Variants in LHX6 observed in about 807,000 individuals in gnomAD.
LHX6 encodes the protein LIM/homeobox protein Lhx6.
In LHX6, 15 loss-of-function variants were observed where a neutral mutation model predicts 47.1. That is an observed-to-expected ratio of 0.32 (90% CI 0.21 to 0.49). The LOEUF (loss-of-function observed/expected upper bound fraction) is 0.49, where lower values mean the gene tolerates loss of function less well. Ranked by LOEUF, LHX6 falls within the 20% of genes least tolerant of loss-of-function variation. The pLI, the probability that LHX6 is intolerant of heterozygous loss-of-function variation, is 0.99. For synonymous variants in LHX6, 242 were observed against 233.5 expected (o/e 1.04, Z -0.33); for missense variants, 404 against 539.6 (o/e 0.75, Z 2.49).
chr9:122,227,112 C>T (rs1309010052), intron 2 of LHX6, 82 bp from the exon 3 acceptor site: 2 of 1,306,392 alleles, frequency 1.5e-6, no homozygotes, highest in Non-Finnish European at 2.0e-6. Context: ...CTGGGGCCCC[C>T]GAGCACCAAT....
Position 122,227,289 on chromosome 9 carries a change from G to A in LHX6, c.156+120C>T. On this transcript the variant is annotated intron_variant, in intron 2 of 9. Coordinates refer to ENST00000394319, the MANE Select transcript of LHX6 (RefSeq NM_014368.5). ...GGAAAACCGAGGCTCAGAGAGGGGCGGCGCCCGCCGGGAGTCCCCCAGAGC... is the reference window on the plus strand; with the variant it reads ...GGAAAACCGAGGCTCAGAGAGGGGCAGCGCCCGCCGGGAGTCCCCCAGAGC... The A allele has an allele frequency of 4.7e-6, 5 of 1,073,862 alleles. No individual in the cohort carries two copies. In the Admixed American group the frequency reaches 1.4e-4, roughly 29 times the overall value. The allele number at this position is 1,073,862 out of a possible 1,614,324, so 66.5% of individuals were successfully genotyped here.
rs543988171 is a variant in LHX6 at position 122,203,660 on chromosome 9, G to C, written c.*1100C>G. 4 of 152,802 alleles carry C rather than the reference G, an allele frequency of 2.6e-5. No homozygotes were observed. In the South Asian group the frequency reaches 8.3e-4, roughly 32 times the overall value. 9.5% of individuals were successfully genotyped at this position (152,802 alleles called of 1,614,324 possible). A position where few individuals can be genotyped will look rare whatever the true frequency, so the allele number is the denominator to read the frequency against. ...GGGTGGGTGGGGCTGGCTCCAGGAA[G>C]TATTGATTGGGAAGCTCAGAGGCAC... On this transcript the variant is annotated 3_prime_UTR_variant, in exon 10 of 10. Transcript: ENST00000394319.
Position 122,217,013 on chromosome 9 carries a change from G to C in LHX6, c.682+55C>G. The C allele has an allele frequency of 6.8e-7, 1 of 1,472,226 alleles. No homozygotes were observed. The highest frequency in any genetic ancestry group is 9.4e-7 in the Non-Finnish European group (1 of 1,058,726). 91.2% of individuals were successfully genotyped at this position (1,472,226 alleles called of 1,614,324 possible). On this transcript the variant is annotated intron_variant, in intron 5 of 9. Transcript: ENST00000394319. This position sits in a 1 kb window ranked among gnomAD's most constrained non-coding sequence, Gnocchi z 4.9. ...GGGTGGTTCCTGGGGTGCTGGGGTG[G>C]GGTGGGGTGGGAAAGGGCTGGGGGC...
Position 122,227,489 on chromosome 9 carries a change from G to GT in LHX6, c.85-10_85-9insA. 6.6e-7 allele frequency: 1 copy of GT among 1,512,034 alleles called. No homozygotes were observed. 93.7% of individuals were successfully genotyped at this position (1,512,034 alleles called of 1,614,324 possible). ...CCTGGCTGGGCCATCACCTGGGGGA[G>GT]GGGGGGAGGGAACGCAGGCGGCGGC... On this transcript the variant is annotated splice_polypyrimidine_tract_variant and intron_variant, in intron 1 of 9. Coordinates refer to ENST00000394319, the MANE Select transcript of LHX6 (RefSeq NM_014368.5).
intron 8 of LHX6, among the ~76,000 whole-genome samples, chr9:122,212,510 G>A (rs1298681291): frequency 6.6e-6 from 1 of 152,098 alleles, no homozygotes; most frequent in Non-Finnish European, 1.5e-5. Flanking sequence ...TGTGTGCATC[G>A]CAGTCATTTA....
chr9:122,208,792 G>A (rs1396780604), intron 9 of LHX6, among the ~76,000 whole-genome samples: 5 of 144,514 alleles, frequency 3.5e-5, no homozygotes, highest in East Asian at 4.1e-4. Flanking sequence ...CCGAGATTGC[G>A]CCATTGCACT....
At chr9:122,220,709 G>T (rs1180529305) in intron 4 of LHX6, among the ~76,000 whole-genome samples, 1 of 152,190 alleles carries the variant, frequency 6.6e-6, no homozygotes, top group African/African-American at 2.4e-5. Context: ...GATGCGCGGC[G>T]CTTTGGGGAG....
In LHX6 at chr9:122,204,129, C is replaced by G. The variant is rs1830081725; in HGVS notation, c.*631G>C. 6.6e-6 allele frequency: 1 copy of G among 152,520 alleles called. No homozygotes were observed. Among genetic ancestry groups the G allele is most frequent in the African/African-American group, 2.4e-5 (1 of 41,442 alleles). 9.4% of individuals were successfully genotyped at this position (152,520 alleles called of 1,614,324 possible). On this transcript the variant is annotated 3_prime_UTR_variant, in exon 10 of 10. Coordinates refer to ENST00000394319, the MANE Select transcript of LHX6 (RefSeq NM_014368.5). ...CCCCATTCCCTGTCTATCCCCGCTG[C>G]CTCCTAGTCTGGGCAGGCCTCCATC...
chr9:122,213,578 A>G lies in LHX6; in HGVS notation c.1054+28T>C, dbSNP rs1270990483. ...CTCCGCGCCCCCTCCCCGCAGGCCC[A>G]GCGGCTCCCGGCGCTGCGGTTACTT... On this transcript the variant is annotated intron_variant, in intron 8 of 9. Transcript: ENST00000394319. The surrounding 1 kb of genome is among the most constrained non-coding windows in gnomAD (Gnocchi z 5.5). 4 of 1,527,292 alleles carry G rather than the reference A, an allele frequency of 2.6e-6. No individual in the cohort carries two copies. The highest frequency in any genetic ancestry group is 1.4e-5 in the African/African-American group (1 of 72,642). 94.6% of individuals were successfully genotyped at this position (1,527,292 alleles called of 1,614,324 possible). A position where few individuals can be genotyped will look rare whatever the true frequency, so the allele number is the denominator to read the frequency against.
intron 9 of LHX6, among the ~76,000 whole-genome samples, chr9:122,208,265 G>A (rs1373446212): frequency 2.0e-5 from 3 of 152,154 alleles, no homozygotes; most frequent in Non-Finnish European, 2.9e-5. Context: ...CTTCCCTGAT[G>A]CCTCAGCTTT....
At chr9:122,207,970 A>G (rs1830248291) in intron 9 of LHX6, among the ~76,000 whole-genome samples, 1 of 151,984 alleles carries the variant, frequency 6.6e-6, no homozygotes, top group South Asian at 2.1e-4. Flanking sequence ...TCCTGACTCC[A>G]GCCCTAATGC....
Position 122,213,888 on chromosome 9 carries a change from G to T in LHX6, c.879+86C>A, listed in dbSNP as rs781637715. ...TCGCCTCCTGGAGAAGGATGGCCAC[G>T]TGCACGCACCACCCTCCGCGCCGAG... On this transcript the variant is annotated intron_variant, in intron 7 of 9. Coordinates refer to ENST00000394319, the MANE Select transcript of LHX6 (RefSeq NM_014368.5). The surrounding 1 kb of genome is among the most constrained non-coding windows in gnomAD (Gnocchi z 5.5). The T allele has an allele frequency of 6.6e-6, 10 of 1,516,286 alleles. No individual in the cohort carries two copies. Among genetic ancestry groups the T allele is most frequent in the Admixed American group, 1.9e-5 (1 of 53,450 alleles). 93.9% of individuals were successfully genotyped at this position (1,516,286 alleles called of 1,614,324 possible).
rs144882007 is a variant in LHX6, at chr9:122,214,641, T to C, written c.683-258A>G. ...AGAGGTGGCGTTACCTCATTATACA[T>C]GGGAGGAAACTGAGGCTCAGAGAGA... On this transcript the variant is annotated intron_variant, in intron 5 of 9. Transcript: ENST00000394319. The surrounding 1 kb of genome is among the most constrained non-coding windows in gnomAD (Gnocchi z 4.6). 2.0e-5 allele frequency among the ~76,000 whole-genome samples: 3 copies of C among 152,192 alleles called. No homozygotes were observed. Among genetic ancestry groups the C allele is most frequent in the African/African-American group, 7.2e-5 (3 of 41,524 alleles).
In LHX6 at chr9:122,213,926, C is replaced by T. The variant is rs749958321; in HGVS notation, c.879+48G>A. On this transcript the variant is annotated intron_variant, in intron 7 of 9. Transcript: ENST00000394319. The surrounding 1 kb of genome is among the most constrained non-coding windows in gnomAD (Gnocchi z 5.5). ...CCTCCGCGCCGAGCCCAGCTACGAG[C>T]TCCGGGGCGTGCCCGCGGTCCCCAG... is the stretch of plus-strand genomic sequence containing the variant. The T allele has an allele frequency of 3.9e-6, 6 of 1,548,832 alleles. No homozygotes were observed. Among genetic ancestry groups the T allele is most frequent in the Admixed American group, 3.4e-5 (2 of 58,922 alleles).
Position 122,214,408 on chromosome 9 carries a change from C to A in LHX6, c.683-25G>T. ...CCTGGGGGCGATAGAAGCAGCTGAC[C>A]ACGCGTCCCCATCTCTTCTAGTGGC... is the stretch of plus-strand genomic sequence containing the variant. On this transcript the variant is annotated intron_variant, in intron 5 of 9. Coordinates refer to ENST00000394319, the MANE Select transcript of LHX6 (RefSeq NM_014368.5). The surrounding 1 kb of genome is among the most constrained non-coding windows in gnomAD (Gnocchi z 4.6). The A allele has an allele frequency of 6.5e-7, 1 of 1,533,660 alleles. No individual in the cohort carries two copies. Among genetic ancestry groups the A allele is most frequent in the Non-Finnish European group, 8.7e-7 (1 of 1,145,928 alleles).
chr9:122,215,421 C>T (rs1830559488), intron 5 of LHX6, among the ~76,000 whole-genome samples: 1 of 152,186 alleles, frequency 6.6e-6, no homozygotes, highest in South Asian at 2.1e-4. Context: ...GTAGCCAATA[C>T]TGAGGGCTGA....
chr9:122,209,809 C>G, intron 8 of LHX6, 92 bp from the exon 9 acceptor site: 1 of 624,264 alleles, frequency 1.6e-6, no homozygotes, highest in Non-Finnish European at 2.9e-6. Context: ...AGCCCTGAAA[C>G]CAGTTTCATC....
chr9:122,222,307 A>G (rs1413643627), intron 4 of LHX6, among the ~76,000 whole-genome samples: 2 of 152,150 alleles, frequency 1.3e-5, no homozygotes, highest in East Asian at 1.9e-4. Flanking sequence ...AAGGAGCACT[A>G]TTCTTCCTCC....
In LHX6 at chr9:122,217,198, G is replaced by A. The variant is rs369599249; in HGVS notation, c.552C>T (p.Ala184=). 8.7e-6 allele frequency: 14 copies of A among 1,614,144 alleles called. No homozygotes were observed. The highest frequency in any genetic ancestry group is 9.3e-6 in the Non-Finnish European group (11 of 1,180,052). The stretch of plus-strand genomic sequence containing the variant: ...GCTTGCACGAGAAGCAGGCGAAGCA[G>A]GCCAGGTGGTAGGCGTTGCCGCGAG... ...RRARGNAYHL[A]CFACFSCKRQ... The change falls in exon 5 of 10, where the codon GCC becomes GCT. Residue 184 remains alanine, a synonymous_variant. Coordinates refer to ENST00000394319, the MANE Select transcript of LHX6 (RefSeq NM_014368.5). The surrounding 1 kb of genome is among the most constrained non-coding windows in gnomAD (Gnocchi z 4.9).
Sources: gnomAD v4.1 joint callset for allele counts (sites outside exome capture counted in the v4.1 genomes callset) on GRCh38, gnomAD v4.1.1 for gene constraint, Gnocchi (gnomAD v3.1) non-coding constraint, MANE v1.5 for transcripts, NCBI Gene and HGNC (gene_info 2026-07-23, HGNC 2026-07-21) for gene names.